FBXO10: variants seen among roughly 807,000 people sequenced by gnomAD.
The protein encoded by FBXO10 is F-box protein 10.
Under a neutral mutation model 80.7 loss-of-function variants are expected in FBXO10, and 39 were observed. The ratio of observed to expected loss-of-function variants is 0.48; its 90% CI spans 0.37 to 0.63. The LOEUF is 0.63. FBXO10 is among the 30% of genes least tolerant of loss of function. The probability of loss-of-function intolerance (pLI) is 0.00; values close to 1 mark genes in which losing one functional copy is unlikely to be tolerated. For missense variants in FBXO10, 1,025 were observed against 1,269.0 expected (o/e 0.81, Z 2.92); for synonymous variants, 449 against 489.6 (o/e 0.92, Z 1.09).
At position 37,545,011 on chromosome 9, in the gene FBXO10, A is replaced by AAAAAG. The variant is rs1347904303; in HGVS notation, c.-6-3238_-6-3237insCTTTT. 1.4e-3 allele frequency among the ~76,000 whole-genome samples: 198 copies of AAAAAG among 139,544 alleles called. 1 individual carries two copies. Among genetic ancestry groups the AAAAAG allele is most frequent in the African/African-American group, 4.7e-3 (158 of 33,618 alleles). The allele number at this position is 139,544 out of a possible 152,430, so 91.5% of individuals were successfully genotyped here. ...TCTCTCAAAAAAAAAAAAAAAAAAAAAGAGAGAGAAAAGCTGGGCTCTGGA... is the reference window on the plus strand; with the variant it reads ...TCTCTCAAAAAAAAAAAAAAAAAAAAAAAAGAGAGAGAGAAAAGCTGGGCTCTGGA... On this transcript the variant is annotated intron_variant, in intron 1 of 10. Coordinates refer to ENST00000432825, the MANE Select transcript of FBXO10 (RefSeq NM_012166.3).
intron 1 of FBXO10, among the ~76,000 whole-genome samples, chr9:37,562,604 G>C (rs1336973918): frequency 6.6e-6 from 1 of 152,166 alleles, no homozygotes; most frequent in Non-Finnish European, 1.5e-5. Flanking sequence ...ACTATGCCCA[G>C]AACTATGCCT....
At chr9:37,569,016 C>T (rs1172124172) in intron 1 of FBXO10, among the ~76,000 whole-genome samples, 2 of 152,070 alleles carry the variant, frequency 1.3e-5, no homozygotes, top group African/African-American at 4.8e-5. Context: ...AACAAAAATA[C>T]ATCAGTGGTG....
Position 37,541,182 on chromosome 9 carries a change from A to C in FBXO10, c.585+2T>G, listed in dbSNP as rs1588842607. ...AGGCCGTCTATTGATGTGGATACCC[A>C]CCTTATACATGATGGGTGAGAACCA... On this transcript the variant is annotated splice_donor_variant, in intron 2 of 10. Coordinates refer to ENST00000432825, the MANE Select transcript of FBXO10 (RefSeq NM_012166.3). LOFTEE classifies it high-confidence loss of function. 1 of 1,591,350 alleles carries C rather than the reference A, an allele frequency of 6.3e-7. No individual in the cohort carries two copies. The highest frequency in any genetic ancestry group is 8.5e-7 in the Non-Finnish European group (1 of 1,170,312).
At chr9:37,512,872 A>T (rs1477156196) in intron 10 of FBXO10, among the ~76,000 whole-genome samples, 151 bp from the exon 11 acceptor site, 1 of 152,194 alleles carries the variant, frequency 6.6e-6, no homozygotes, top group African/African-American at 2.4e-5. Context: ...TGTTAGTCCA[A>T]AGAGGTGGGC....
At chr9:37,550,998 G>A (rs1822185129) in intron 1 of FBXO10, among the ~76,000 whole-genome samples, 1 of 152,178 alleles carries the variant, frequency 6.6e-6, no homozygotes, top group Non-Finnish European at 1.5e-5. Flanking sequence ...TTCCCCTCCA[G>A]CTGTGAGCCT....
intron 3 of FBXO10, 75 bp downstream of exon 3, chr9:37,537,035 G>A: frequency 8.8e-7 from 1 of 1,131,710 alleles, no homozygotes. Context: ...TTTTTAAAAT[G>A]CAAAATAGCC....
chr9:37,555,482 G>A (rs574021986), intron 1 of FBXO10, among the ~76,000 whole-genome samples: 201 of 151,916 alleles, frequency 1.3e-3, no homozygotes, highest in Non-Finnish European at 2.4e-3. Context: ...CCAGGTTCAA[G>A]CGATTCTCCT....
intron 1 of FBXO10, among the ~76,000 whole-genome samples, chr9:37,548,537 G>A (rs1822114493): frequency 6.6e-6 from 1 of 152,000 alleles, no homozygotes; most frequent in Admixed American, 6.6e-5. Flanking sequence ...GTATTCCTTG[G>A]TTAATAACAC....
intron 1 of FBXO10, among the ~76,000 whole-genome samples, chr9:37,553,243 T>C (rs989670826): frequency 2.6e-5 from 4 of 152,090 alleles, no homozygotes; most frequent in African/African-American, 9.7e-5. Context: ...GGTTTCACCA[T>C]GTTGGCCAGA....
chr9:37,557,516 C>T (rs1462348567), intron 1 of FBXO10, among the ~76,000 whole-genome samples: 1 of 152,230 alleles, frequency 6.6e-6, no homozygotes, highest in East Asian at 1.9e-4. Context: ...CAACCATGTT[C>T]TTGGCTTGCC....
At chr9:37,560,542 A>G (rs893318940) in intron 1 of FBXO10, among the ~76,000 whole-genome samples, 1 of 152,142 alleles carries the variant, frequency 6.6e-6, no homozygotes, top group Admixed American at 6.5e-5. Context: ...CACATTTCCT[A>G]TCATTCCATT....
At chr9:37,535,223 G>A (rs763002854) in intron 3 of FBXO10, among the ~76,000 whole-genome samples, 12 of 152,170 alleles carry the variant, frequency 7.9e-5, no homozygotes, top group Non-Finnish European at 1.3e-4. Context: ...GGCAAAAGAA[G>A]AGGTGTGCCC....
intron 2 of FBXO10, among the ~76,000 whole-genome samples, chr9:37,540,147 G>A (rs921731761): frequency 6.6e-6 from 1 of 151,710 alleles, no homozygotes; most frequent in Non-Finnish European, 1.5e-5. Context: ...AAACATGAGA[G>A]ACAATTGTTA....
intron 1 of FBXO10, among the ~76,000 whole-genome samples, chr9:37,574,693 T>C (rs986369741): frequency 1.3e-5 from 2 of 152,224 alleles, no homozygotes; most frequent in Non-Finnish European, 2.9e-5. Flanking sequence ...GGCCAGCTGT[T>C]ATGAGGTAAG....
rs1564332550 is a variant in FBXO10, at chr9:37,518,291, C to T, written c.2348G>A (p.Gly783Glu). 1.2e-6 allele frequency: 2 copies of T among 1,614,078 alleles called. No homozygotes were observed. Among genetic ancestry groups the T allele is most frequent in the Admixed American group, 3.3e-5 (2 of 60,032 alleles). Residue 783 changes from glycine (G) to glutamate (E), a missense_variant, in exon 9 of 11, where the codon GGG becomes GAG. This residue lies in a region of FBXO10 where 478 missense variants were observed against 667.8 expected (regional missense o/e 0.72). Coordinates refer to ENST00000432825, the MANE Select transcript of FBXO10 (RefSeq NM_012166.3). ...NNSISCNRQS[G>E]VKVEAQCKVE... ...TTTGCACTGGGCCTCAACCTTGACCCCACTTTGCCGGTTGCAGGAGATGCT... is the reference window on the plus strand; with the variant it reads ...TTTGCACTGGGCCTCAACCTTGACCTCACTTTGCCGGTTGCAGGAGATGCT...
intron 4 of FBXO10, among the ~76,000 whole-genome samples, chr9:37,530,342 C>T (rs1358929409): frequency 6.6e-6 from 1 of 152,184 alleles, no homozygotes; most frequent in African/African-American, 2.4e-5. Context: ...GCAACCACTG[C>T]CTAAGAGAAG....
intron 1 of FBXO10, among the ~76,000 whole-genome samples, chr9:37,565,693 G>A (rs1822586512): frequency 6.6e-6 from 1 of 152,184 alleles, no homozygotes; most frequent in South Asian, 2.1e-4. Flanking sequence ...AAACTTATGT[G>A]ACAAATGGCT....
intron 1 of FBXO10, among the ~76,000 whole-genome samples, chr9:37,544,075 T>C (rs916262973): frequency 1.3e-5 from 2 of 152,238 alleles, no homozygotes; most frequent in Non-Finnish European, 2.9e-5. Context: ...AAGACCAGCC[T>C]GGCTAATACA....
In FBXO10 at chr9:37,537,641, G is replaced by A; in HGVS notation, c.888C>T (p.Asp296=). 1 of 1,613,992 alleles carries A rather than the reference G, an allele frequency of 6.2e-7. No individual in the cohort carries two copies. The highest frequency in any genetic ancestry group is 2.2e-5 in the East Asian group (1 of 44,884). The change falls in exon 3 of 11, where the codon GAC becomes GAT. Residue 296 remains aspartate (D), a synonymous_variant. Transcript: ENST00000432825. ...TEDSDFLMSL[D]LESRDQAWSP... ...TCCAGGCCTGGTCCCGGCTCTCTAG[G>A]TCCAGGGACATTAAAAAGTCAGAGT...
Sources: gnomAD v4.1 joint callset for allele counts (sites outside exome capture counted in the v4.1 genomes callset) on GRCh38, gnomAD v4.1.1 for gene constraint, gnomAD v4.1.1 regional missense constraint, MANE v1.5 for transcripts, NCBI Gene and HGNC (gene_info 2026-07-23, HGNC 2026-07-21) for gene names.